Variants in DNAH11 observed in about 807,000 individuals in gnomAD.
DNAH11 encodes the protein dynein axonemal heavy chain 11, also known as axonemal beta dynein heavy chain 11.
A neutral mutation model predicts 526.0 loss-of-function variants in DNAH11; 442 were observed. The observed-to-expected ratio is 0.84, with a 90% confidence interval of 0.78 to 0.91. The LOEUF is 0.91. DNAH11 is among the 40% of genes least tolerant of loss of function. The probability of loss-of-function intolerance (pLI) is 0.00; values close to 1 mark genes in which losing one functional copy is unlikely to be tolerated. For missense variants in DNAH11, 6,989 were observed against 5,448.7 expected (o/e 1.28, Z -8.90); for synonymous variants, 2,461 against 1,935.9 (o/e 1.27, Z -7.12).
chr7:21,563,702 A>G (rs1423347523), intron 5 of DNAH11, among the ~76,000 whole-genome samples: 1 of 152,182 alleles, frequency 6.6e-6, no homozygotes, highest in Non-Finnish European at 1.5e-5. Context: ...TTTATTAATG[A>G]TATAATTTTT....
At chr7:21,745,739 G>A (rs976645665) in intron 51 of DNAH11, among the ~76,000 whole-genome samples, 24 of 152,228 alleles carry the variant, frequency 1.6e-4, no homozygotes, top group African/African-American at 5.8e-4. Context: ...ATATCAGAAA[G>A]TGATGTGTCA....
At chr7:21,821,634 T>C (rs1790054646) in intron 65 of DNAH11, among the ~76,000 whole-genome samples, 1 of 152,204 alleles carries the variant, frequency 6.6e-6, no homozygotes, top group Admixed American at 6.6e-5. Context: ...TTTTGATACA[T>C]GTATACGATG....
rs150377081 is a variant in DNAH11, at chr7:21,554,537, C to T, written c.496-4265C>T. On this transcript the variant is annotated intron_variant, in intron 2 of 81. Coordinates refer to ENST00000409508, the MANE Select transcript of DNAH11 (RefSeq NM_001277115.2). ...GGAAATTTTTGTTCAGCTGGCAAGA[C>T]GTCTTGCCCAGCAGGTTGTTACCTC... is the stretch of plus-strand genomic sequence containing the variant. Among the ~76,000 whole-genome samples, 340 of 152,180 alleles carry T rather than the reference C, an allele frequency of 2.2e-3. 3 individuals are homozygous for T. Among genetic ancestry groups the T allele is most frequent in the African/African-American group, 7.7e-3 (319 of 41,536 alleles).
intron 76 of DNAH11, among the ~76,000 whole-genome samples, chr7:21,886,712 G>A (rs1016954589): frequency 8.5e-5 from 13 of 152,214 alleles, no homozygotes; most frequent in Middle Eastern, 3.4e-3. Context: ...GTTGCCAAAT[G>A]CAGCAGTCCA....
At chr7:21,683,546 T>G (rs1194634504) in intron 31 of DNAH11, among the ~76,000 whole-genome samples, 1 of 152,254 alleles carries the variant, frequency 6.6e-6, no homozygotes, top group African/African-American at 2.4e-5. Flanking sequence ...GAAAAAGCAT[T>G]GCTTGAAGAA....
At position 21,795,771 on chromosome 7, in the gene DNAH11, A is replaced by G. The variant is rs77769438; in HGVS notation, c.10027-5366A>G. Among the ~76,000 whole-genome samples, 1,503 of 152,324 alleles carry G rather than the reference A, an allele frequency of 9.9e-3. 18 individuals carry two copies. The highest frequency in any genetic ancestry group is 0.034 in the African/African-American group (1,416 of 41,566). On this transcript the variant is annotated intron_variant, in intron 61 of 81. Coordinates refer to ENST00000409508, the MANE Select transcript of DNAH11 (RefSeq NM_001277115.2). ...TTACTAAATGCTGTTTAATTTGCCAAGTGCTGCCAAGGGAGGTTGCATTGG... is the reference window on the plus strand; with the variant it reads ...TTACTAAATGCTGTTTAATTTGCCAGGTGCTGCCAAGGGAGGTTGCATTGG...
intron 46 of DNAH11, among the ~76,000 whole-genome samples, chr7:21,737,545 A>C (rs528237940): frequency 6.6e-6 from 1 of 152,316 alleles, no homozygotes; most frequent in Admixed American, 6.5e-5. Context: ...GAGAGATCTG[A>C]GTTGGGGAGA....
At chr7:21,828,494 A>G (rs908606907) in intron 65 of DNAH11, among the ~76,000 whole-genome samples, 1 of 152,182 alleles carries the variant, frequency 6.6e-6, no homozygotes, top group Admixed American at 6.5e-5. Flanking sequence ...ATTTGCAGAT[A>G]AAGCATTCTC....
chr7:21,698,270 A>T (rs1294786282), intron 36 of DNAH11, 57 bp downstream of exon 36: 2 of 1,594,210 alleles, frequency 1.3e-6, no homozygotes, highest in African/African-American at 2.7e-5. Context: ...AAAGCTTTTG[A>T]AGTATGGATT....
chr7:21,803,825 GTCA>G (rs551783396), intron 62 of DNAH11, among the ~76,000 whole-genome samples: 2,131 of 136,216 alleles, frequency 0.016, 115 homozygotes, highest in African/African-American at 0.059. Flanking sequence ...GAATGGGGCT[GTCA>G]TCATTGAAGT....
rs757349371 is a variant in DNAH11 at position 21,543,424 on chromosome 7, G to C, written c.179G>C (p.Arg60Pro). 88 of 1,556,108 alleles carry C rather than the reference G, an allele frequency of 5.7e-5. No homozygotes were observed. Among genetic ancestry groups the C allele is most frequent in the Non-Finnish European group, 7.5e-5 (86 of 1,149,244 alleles). Residue 60 changes from arginine (R) to proline (P), a missense_variant, in exon 1 of 82, where the codon CGC becomes CCC. Transcript: ENST00000409508. ...AGTTTCGCCCAAGACGCGCGGGTGC[G>C]CTTCCTCGGCGGCCGCCTGGCGATG... Reference protein sequence around the residue: ...ARSFAQDARVRFLGGRLAMML... With the variant: ...ARSFAQDARVPFLGGRLAMML...
At position 21,683,813 on chromosome 7, in the gene DNAH11, G is replaced by A. The variant is rs55666134; in HGVS notation, c.5490G>A (p.Leu1830=). The A allele has an allele frequency of 0.14, 228,834 of 1,610,424 alleles. 17,294 individuals carry two copies. The highest frequency in any genetic ancestry group is 0.15 in the Non-Finnish European group (180,952 of 1,177,992). Residue 1830 remains leucine, a synonymous_variant, in exon 32 of 82, where the codon CTG becomes CTA. Transcript: ENST00000409508. Reference sequence around the variant, plus strand: ...TCAGTCCCCAAGCTTTTACATGGCTGTCTCAACTTCGTCACCGATGGGAGG... The same window carrying A: ...TCAGTCCCCAAGCTTTTACATGGCTATCTCAACTTCGTCACCGATGGGAGG... The part of the protein sequence containing the change: ...KVVSPQAFTW[L]SQLRHRWEDT...
chr7:21,829,883 T>G (rs552381253), intron 65 of DNAH11, among the ~76,000 whole-genome samples: 1 of 152,338 alleles, frequency 6.6e-6, no homozygotes, highest in African/African-American at 2.4e-5. Flanking sequence ...GAACAGTGTT[T>G]GAATTGTTCT....
At chr7:21,755,998 C>A (rs1220969814) in intron 54 of DNAH11, among the ~76,000 whole-genome samples, 1 of 151,948 alleles carries the variant, frequency 6.6e-6, no homozygotes, top group Non-Finnish European at 1.5e-5. Context: ...TTAGGTGTTT[C>A]CAGTTTTAAT....
chr7:21,733,433 G>C (rs1785471269), intron 45 of DNAH11, among the ~76,000 whole-genome samples: 1 of 152,150 alleles, frequency 6.6e-6, no homozygotes, highest in Non-Finnish European at 1.5e-5. Context: ...AGCCAAAAGT[G>C]CCTGCTCCCT....
chr7:21,617,480 T>G, intron 22 of DNAH11, 139 bp from the exon 23 acceptor site: 1 of 970,880 alleles, frequency 1.0e-6, no homozygotes, highest in Non-Finnish European at 1.5e-6. Context: ...TCTCTGGTTT[T>G]GCTCCTTGGT....
At chr7:21,643,065 T>C (rs1022493995) in intron 28 of DNAH11, among the ~76,000 whole-genome samples, 1 of 152,182 alleles carries the variant, frequency 6.6e-6, no homozygotes, top group Non-Finnish European at 1.5e-5. Flanking sequence ...CTCTGGTAGT[T>C]GCTGTAGAAA....
intron 48 of DNAH11, among the ~76,000 whole-genome samples, chr7:21,740,992 T>C (rs916913682): frequency 6.6e-6 from 1 of 152,236 alleles, no homozygotes; most frequent in Admixed American, 6.5e-5. Flanking sequence ...ATGTTTTTTA[T>C]GTGCTTATTG....
Position 21,901,447 on chromosome 7 carries a change from C to A in DNAH11, c.*193C>A, listed in dbSNP as rs72658842. 3.0e-5 allele frequency: 20 copies of A among 658,574 alleles called. No individual in the cohort carries two copies. The African/African-American group carries it at 3.7e-4, about 12-fold the overall frequency. 40.8% of individuals were successfully genotyped at this position (658,574 alleles called of 1,614,324 possible). A position where few individuals can be genotyped will look rare whatever the true frequency, so the allele number is the denominator to read the frequency against. On this transcript the variant is annotated 3_prime_UTR_variant, in exon 82 of 82. Transcript: ENST00000409508. ...ACTCAGGGCTGAGCGTGGTGGCACA[C>A]GACTGTAATCCCAGTTACTCAGGAG...
Sources: allele counts gnomAD v4.1 joint callset (sites outside exome capture counted in the v4.1 genomes callset), GRCh38; gene constraint gnomAD v4.1.1; transcripts MANE v1.5; gene names NCBI Gene and HGNC (gene_info 2026-07-23, HGNC 2026-07-21).